Variants in DYM observed in about 807,000 individuals in gnomAD.
The protein encoded by DYM is dymeclin.
A neutral mutation model predicts 93.1 loss-of-function variants in DYM; 78 were observed. The observed-to-expected ratio is 0.84, with a 90% CI of 0.70 to 1.01. The LOEUF (loss-of-function observed/expected upper bound fraction) is 1.01. Among genes scored for constraint, DYM ranks in the 50% least tolerant of loss-of-function variants. DYM has a pLI of 0.00. For synonymous variants in DYM, 321 were observed against 319.7 expected (o/e 1.00, Z -0.04); for missense variants, 789 against 845.0 (o/e 0.93, Z 0.82).
chr18:49,382,663 T>TAGA (rs76661949), intron 3 of DYM, among the ~76,000 whole-genome samples: 31,459 of 152,008 alleles, frequency 0.21, 3,316 homozygotes, highest in East Asian at 0.27. Flanking sequence ...TGACCAGCTG[T>TAGA]AGAACACTTG....
intron 17 of DYM, among the ~76,000 whole-genome samples, chr18:49,058,916 T>C (rs1380716938): frequency 6.6e-6 from 1 of 152,282 alleles, no homozygotes; most frequent in East Asian, 1.9e-4. Flanking sequence ...AAATTTCCCC[T>C]AGAGAGAACT....
intron 2 of DYM, among the ~76,000 whole-genome samples, chr18:49,423,213 C>T (rs565031739): frequency 3.3e-5 from 5 of 152,048 alleles, no homozygotes; most frequent in South Asian, 2.1e-4. Flanking sequence ...CACAGTGCAA[C>T]CAAACTAGAA....
chr18:49,182,347 C>A (rs972892073), intron 14 of DYM, among the ~76,000 whole-genome samples: 1 of 152,136 alleles, frequency 6.6e-6, no homozygotes, highest in African/African-American at 2.4e-5. Flanking sequence ...CACTCTTACT[C>A]ATTTTCTGTC....
At chr18:49,080,001 C>G (rs2077678908) in intron 17 of DYM, among the ~76,000 whole-genome samples, 1 of 150,624 alleles carries the variant, frequency 6.6e-6, no homozygotes, top group Middle Eastern at 3.4e-3. Flanking sequence ...GCGCCCCTCA[C>G]CTCCCGGACG....
chr18:49,177,395 A>G (rs2089503625), intron 14 of DYM, among the ~76,000 whole-genome samples: 2 of 152,212 alleles, frequency 1.3e-5, no homozygotes, highest in African/African-American at 4.8e-5. Flanking sequence ...ACGTTATAAC[A>G]CAATTGATAG....
chr18:49,047,378 G>A (rs575118763), intron 17 of DYM, among the ~76,000 whole-genome samples: 1 of 152,358 alleles, frequency 6.6e-6, no homozygotes, highest in East Asian at 1.9e-4. Flanking sequence ...GCTCATGACT[G>A]CAATGGAGGG....
At chr18:49,079,586 A>G (rs2077614766) in intron 17 of DYM, among the ~76,000 whole-genome samples, 1 of 151,474 alleles carries the variant, frequency 6.6e-6, no homozygotes. Context: ...GGTACTTGAG[A>G]TTAGGGAGTG....
At position 49,036,903 on chromosome 18, in the gene DYM, T is replaced by TTTTA. The variant is rs564369739; in HGVS notation, c.*7148_*7151dup. ...CAGTCTTTTAAGGGGTTATGAATTC[T>TTTTA]TTTATTTATTTATTTTGGGACGGAG... On this transcript the variant is annotated 3_prime_UTR_variant, in exon 18 of 18. Transcript: ENST00000675505. Among the ~76,000 whole-genome samples, 455 of 152,250 alleles carry TTTTA rather than the reference T, an allele frequency of 3.0e-3. 2 individuals carry two copies. Among genetic ancestry groups the TTTTA allele is most frequent in the Non-Finnish European group, 5.6e-3 (383 of 68,008 alleles).
At chr18:49,211,107 A>ATTGTCTTTCT (rs1309639140) in intron 13 of DYM, among the ~76,000 whole-genome samples, 1 of 152,162 alleles carries the variant, frequency 6.6e-6, no homozygotes, top group Non-Finnish European at 1.5e-5. Flanking sequence ...CAAAAATAAA[A>ATTGTCTTTCT]TTTTTTAAAG....
intron 13 of DYM, among the ~76,000 whole-genome samples, chr18:49,245,191 T>C (rs1438451901): frequency 6.6e-6 from 1 of 152,230 alleles, no homozygotes; most frequent in Non-Finnish European, 1.5e-5. Context: ...AGGATGTATG[T>C]CACTTCGGGA....
At chr18:49,088,809 G>T (rs1317920398) in intron 17 of DYM, among the ~76,000 whole-genome samples, 6 of 152,100 alleles carry the variant, frequency 3.9e-5, no homozygotes, top group Admixed American at 3.9e-4. Context: ...AGATAAGAGG[G>T]ACTAAAATAA....
intron 12 of DYM, among the ~76,000 whole-genome samples, chr18:49,258,029 C>T (rs2094422539): frequency 6.6e-6 from 1 of 152,078 alleles, no homozygotes. Flanking sequence ...CTTTCTTTTT[C>T]ATTTTAATTC....
At chr18:49,072,755 A>G (rs1046263979) in intron 17 of DYM, among the ~76,000 whole-genome samples, 2 of 152,224 alleles carry the variant, frequency 1.3e-5, no homozygotes, top group African/African-American at 2.4e-5. Flanking sequence ...ATCATTGCTG[A>G]GACAGACAGC....
At chr18:49,443,552 T>C (rs766286761) in intron 1 of DYM, among the ~76,000 whole-genome samples, 1 of 152,206 alleles carries the variant, frequency 6.6e-6, no homozygotes, top group Non-Finnish European at 1.5e-5. Context: ...AAGTACTTTA[T>C]TATGTAAAAG....
At chr18:49,305,258 C>T (rs1008905349) in intron 8 of DYM, among the ~76,000 whole-genome samples, 3 of 152,142 alleles carry the variant, frequency 2.0e-5, no homozygotes, top group African/African-American at 7.2e-5. Context: ...CAACTCTCCA[C>T]CTACTCCATG....
At chr18:49,420,008 T>A (rs1243544173) in intron 2 of DYM, among the ~76,000 whole-genome samples, 1 of 152,184 alleles carries the variant, frequency 6.6e-6, no homozygotes, top group Non-Finnish European at 1.5e-5. Flanking sequence ...TTTCAAAAGT[T>A]GTTGATGCTA....
At chr18:49,137,247 C>T (rs2083948576) in intron 15 of DYM, among the ~76,000 whole-genome samples, 1 of 152,172 alleles carries the variant, frequency 6.6e-6, no homozygotes, top group Non-Finnish European at 1.5e-5. Flanking sequence ...TTAAATAACA[C>T]ACCCAGTACA....
At chr18:49,408,948 A>G (rs774158569) in intron 2 of DYM, among the ~76,000 whole-genome samples, 8 of 152,198 alleles carry the variant, frequency 5.3e-5, no homozygotes, top group Non-Finnish European at 1.2e-4. Context: ...GGTCTAGTCA[A>G]CAAAATACAG....
chr18:49,236,176 A>G (rs913172846), intron 13 of DYM, among the ~76,000 whole-genome samples: 1 of 152,122 alleles, frequency 6.6e-6, no homozygotes. Flanking sequence ...CCCATTTACA[A>G]ATTTTTAAAA....
Sources: gnomAD v4.1 joint callset for allele counts (sites outside exome capture counted in the v4.1 genomes callset) on GRCh38, gnomAD v4.1.1 for gene constraint, MANE v1.5 for transcripts, NCBI Gene and HGNC (gene_info 2026-07-23, HGNC 2026-07-21) for gene names.